The following STRIP2 variants were observed in gnomAD, a reference collection of about 807,000 sequenced individuals.
STRIP2 encodes striatin interacting protein 2.
Under a neutral mutation model 107.1 loss-of-function variants are expected in STRIP2, and 84 were observed. The ratio of observed to expected loss-of-function variants is 0.78; its 90% CI spans 0.66 to 0.94. The LOEUF (loss-of-function observed/expected upper bound fraction) is 0.94. STRIP2 is among the 40% of genes least tolerant of loss of function. The probability of loss-of-function intolerance (pLI) is 0.00; values close to 1 mark genes in which losing one functional copy is unlikely to be tolerated. For synonymous variants in STRIP2, 394 were observed against 400.4 expected (o/e 0.98, Z 0.19); for missense variants, 888 against 1,034.2 (o/e 0.86, Z 1.94).
intron 19 of STRIP2, 57 bp downstream of exon 19, chr7:129,480,946 C>T: frequency 7.4e-7 from 1 of 1,352,664 alleles, no homozygotes; most frequent in Non-Finnish European, 1.0e-6. Flanking sequence ...TTTAAAAGAT[C>T]ACTAGTAAAT....
rs1584946816 is a variant in STRIP2 at position 129,454,502 on chromosome 7, C to G, written c.681C>G (p.Ala227=). ...CAGACCCCTGTGGGTGGAGAACAGC[C>G]CGGGAGACCTTCCGCACTGAATTAA... ...RETDPCGWRT[A]RETFRTELSF... Residue 227 remains alanine (A), a synonymous_variant, in exon 7 of 21, where the codon GCC becomes GCG. Coordinates refer to ENST00000249344, the MANE Select transcript of STRIP2 (RefSeq NM_020704.3). 1.2e-6 allele frequency: 2 copies of G among 1,613,740 alleles called. No individual in the cohort carries two copies. The highest frequency in any genetic ancestry group is 4.5e-5 in the East Asian group (2 of 44,884).
chr7:129,483,663 C>G lies in STRIP2; in HGVS notation c.2254+617C>G, dbSNP rs1457226271. 2 of 152,270 alleles carry G rather than the reference C, an allele frequency of 1.3e-5. No homozygotes were observed. The highest frequency in any genetic ancestry group is 4.8e-5 in the African/African-American group (2 of 41,444). 9.4% of individuals were successfully genotyped at this position (152,270 alleles called of 1,614,324 possible). The stretch of plus-strand genomic sequence containing the variant: ...AGTTGTCCCAAAATGTTCTTCATAG[C>G]TATTTTTCCAAGTCAGAATCCAATC... On this transcript the variant is annotated intron_variant, in intron 20 of 20. Coordinates refer to ENST00000249344, the MANE Select transcript of STRIP2 (RefSeq NM_020704.3). The surrounding 1 kb of genome is among the most constrained non-coding windows in gnomAD (Gnocchi z 5.1).
In STRIP2 at chr7:129,464,129, C is replaced by T. The variant is rs200479904; in HGVS notation, c.1637C>T (p.Pro546Leu). The T allele has an allele frequency of 3.1e-6, 5 of 1,611,708 alleles. No homozygotes were observed. In the East Asian group the frequency reaches 1.1e-4, roughly 36 times the overall value. The change falls in exon 15 of 21, where the codon CCT becomes CTT. Residue 546 changes from proline to leucine, a missense_variant. Coordinates refer to ENST00000249344, the MANE Select transcript of STRIP2 (RefSeq NM_020704.3). The stretch of plus-strand genomic sequence containing the variant: ...ATCAATATCCTGGCAGATGTCCTAC[C>T]TGAGGAGATGCCGTGAGTGCTTCAA... ...DSINILADVL[P>L]EEMPITVLQS...
chr7:129,438,826 A>C (rs898941391), intron 1 of STRIP2, among the ~76,000 whole-genome samples: 3 of 152,248 alleles, frequency 2.0e-5, no homozygotes, highest in African/African-American at 7.2e-5. Flanking sequence ...GCATGTACTT[A>C]GAATTATAAT....
intron 13 of STRIP2, among the ~76,000 whole-genome samples, chr7:129,462,678 C>T (rs980032670): frequency 3.3e-5 from 5 of 152,106 alleles, no homozygotes; most frequent in Admixed American, 6.6e-5. Context: ...AGTTTTCAGC[C>T]TCAGATCCAC....
intron 3 of STRIP2, among the ~76,000 whole-genome samples, chr7:129,446,086 CTT>C (rs1240512968): frequency 6.6e-6 from 1 of 152,164 alleles, no homozygotes; most frequent in East Asian, 1.9e-4. Flanking sequence ...CCAGGTCAAC[CTT>C]GGTGAGTGGA....
chr7:129,485,455 C>CAA (rs34127145), intron 20 of STRIP2, 124 bp from the exon 21 acceptor site: 66,989 of 762,254 alleles, frequency 0.088, 46 homozygotes, highest in Middle Eastern at 0.095. Context: ...TTGCTCTTTA[C>CAA]AAAAAAAAAA....
Position 129,487,900 on chromosome 7 carries a change from G to C in STRIP2, c.*2071G>C, listed in dbSNP as rs1799274196. ...GAAGTATGCTAAGCTTTAACATTTT[G>C]TATTTATTTACAACCCTTTTCTAAG... is the stretch of plus-strand genomic sequence containing the variant. On this transcript the variant is annotated 3_prime_UTR_variant, in exon 21 of 21. Transcript: ENST00000249344. 6.6e-6 allele frequency: 1 copy of C among 152,164 alleles called. No individual in the cohort carries two copies. The highest frequency in any genetic ancestry group is 2.1e-4 in the South Asian group (1 of 4,826). 9.4% of individuals were successfully genotyped at this position (152,164 alleles called of 1,614,324 possible). A position where few individuals can be genotyped will look rare whatever the true frequency, so the allele number is the denominator to read the frequency against.
chr7:129,482,375 ATATTT>A (rs1366395544), intron 19 of STRIP2, among the ~76,000 whole-genome samples: 20 of 80,108 alleles, frequency 2.5e-4, no homozygotes, highest in Non-Finnish European at 2.9e-4. Flanking sequence ...ATATATATAT[ATATTT>A]TTTTTTTTTT....
At position 129,486,024 on chromosome 7, in the gene STRIP2, T is replaced by C. The variant is rs574408278; in HGVS notation, c.*195T>C. On this transcript the variant is annotated 3_prime_UTR_variant, in exon 21 of 21. Transcript: ENST00000249344. ...GCCCTGGGGTCAGTTGGGTGCCCAG[T>C]TGGCCTTGGAAATCTTTTGGTGGAT... The C allele has an allele frequency of 1.5e-5, 9 of 592,224 alleles. No homozygotes were observed. Among genetic ancestry groups the C allele is most frequent in the South Asian group, 8.6e-5 (4 of 46,322 alleles). The allele number at this position is 592,224 out of a possible 1,614,324, so 36.7% of individuals were successfully genotyped here.
chr7:129,475,385 C>T (rs986025119), intron 18 of STRIP2, among the ~76,000 whole-genome samples: 3 of 150,398 alleles, frequency 2.0e-5, no homozygotes, highest in African/African-American at 7.3e-5. Context: ...GGGTGTTTCT[C>T]GCAGAGGGGG....
At chr7:129,477,833 A>G (rs1291621893) in intron 18 of STRIP2, 9 of 379,396 alleles carry the variant, frequency 2.4e-5, no homozygotes, top group Admixed American at 1.9e-4. Context: ...GAGAGAAGCC[A>G]TGCATTCCAT....
rs775115772 is a variant in STRIP2, at chr7:129,455,348, C to CTCCT, written c.812_815dup (p.Leu273ProfsTer14). The CTCCT allele has an allele frequency of 1.9e-6, 3 of 1,613,708 alleles. No individual in the cohort carries two copies. The highest frequency in any genetic ancestry group is 2.5e-6 in the Non-Finnish European group (3 of 1,179,810). ...TCACTTCCCCATAAAGAAGGTCCTG[C>CTCCT]TCCTGCTCTGGAAGGTGGTCATGGT... On this transcript the variant is annotated frameshift_variant, in exon 8 of 21. Transcript: ENST00000249344. LOFTEE classifies it high-confidence loss of function.
intron 17 of STRIP2, among the ~76,000 whole-genome samples, chr7:129,468,195 A>C (rs1381982563): frequency 6.6e-6 from 1 of 152,230 alleles, no homozygotes; most frequent in Non-Finnish European, 1.5e-5. Context: ...TATGTTAATC[A>C]GTAGAGTTTA....
chr7:129,457,774 C>T (rs1031270881), intron 9 of STRIP2, among the ~76,000 whole-genome samples: 1 of 152,126 alleles, frequency 6.6e-6, no homozygotes, highest in Non-Finnish European at 1.5e-5. Context: ...ATCTTTTTTT[C>T]TTTGTCACAA....
Position 129,464,495 on chromosome 7 carries a change from C to T in STRIP2, c.1650-117C>T, listed in dbSNP as rs1584956844. ...TGGAGGTTTCCCTGGCACAGAAGTT[C>T]AAGTTTCCCAAGTTCTGGCTCTCTT... On this transcript the variant is annotated intron_variant, in intron 15 of 20. Coordinates refer to ENST00000249344, the MANE Select transcript of STRIP2 (RefSeq NM_020704.3). The T allele has an allele frequency of 6.8e-6, 8 of 1,168,482 alleles. No individual in the cohort carries two copies. In the East Asian group the frequency reaches 1.7e-4, roughly 24 times the overall value. The allele number at this position is 1,168,482 out of a possible 1,614,324, so 72.4% of individuals were successfully genotyped here. A position where few individuals can be genotyped will look rare whatever the true frequency, so the allele number is the denominator to read the frequency against.
chr7:129,458,472 AC>A lies in STRIP2; in HGVS notation c.1274+26del, dbSNP rs3214796. On this transcript the variant is annotated intron_variant, in intron 10 of 20. Coordinates refer to ENST00000249344, the MANE Select transcript of STRIP2 (RefSeq NM_020704.3). This position sits in a 1 kb window ranked among gnomAD's most constrained non-coding sequence, Gnocchi z 4.6. ...TCAGGTAGGTTTGATAGCATCAGGG[AC>A]CCCTATGCTTCGGGGTTTCAGTCTC... 0.37 allele frequency: 560,106 copies of A among 1,517,170 alleles called. 107,686 individuals are homozygous for A. The highest frequency in any genetic ancestry group is 0.62 in the East Asian group (25,523 of 41,430). The allele number at this position is 1,517,170 out of a possible 1,614,324, so 94.0% of individuals were successfully genotyped here.
intron 18 of STRIP2, among the ~76,000 whole-genome samples, chr7:129,475,338 T>A (rs1798887999): frequency 6.6e-6 from 1 of 151,754 alleles, no homozygotes. Flanking sequence ...CTTTTTATTT[T>A]TTTATTTTTT....
At chr7:129,456,411 C>T in intron 8 of STRIP2, 28 bp from the exon 9 acceptor site, 1 of 1,607,174 alleles carries the variant, frequency 6.2e-7, no homozygotes, top group Non-Finnish European at 8.5e-7. Context: ...CTTCCTCTCT[C>T]TCTGCCCCTT....
Sources: allele counts gnomAD v4.1 joint callset (sites outside exome capture counted in the v4.1 genomes callset), GRCh38; gene constraint gnomAD v4.1.1; non-coding constraint Gnocchi (gnomAD v3.1); transcripts MANE v1.5; gene names NCBI Gene and HGNC (gene_info 2026-07-23, HGNC 2026-07-21).